The following RRM2 variants were observed in gnomAD, a reference collection of about 807,000 sequenced individuals.
The protein encoded by RRM2 is ribonucleotide reductase regulatory subunit M2.
In RRM2, 6 loss-of-function variants were observed where a neutral mutation model predicts 45.9. The observed-to-expected ratio is 0.13, with a 90% CI of 0.07 to 0.26. The LOEUF is 0.26. Among genes scored for constraint, RRM2 ranks in the 10% least tolerant of loss-of-function variants. The pLI, the probability that RRM2 is intolerant of heterozygous loss-of-function variation, is 1.00. For missense variants in RRM2, 343 were observed against 489.5 expected, an observed-to-expected ratio of 0.70 and a Z score of 2.82; for synonymous variants, 177 against 173.0, an observed-to-expected ratio of 1.02 and a Z score of -0.18.
Position 10,181,241 on chromosome 2 carries a change from G to C in RRM2, n.483-29070G>C, listed in dbSNP as rs73913996. Among the ~76,000 whole-genome samples, 1,174 of 152,350 alleles carry C rather than the reference G, an allele frequency of 7.7e-3. 19 individuals are homozygous for C. Among genetic ancestry groups the C allele is most frequent in the African/African-American group, 0.027 (1,106 of 41,574 alleles). ...ATTTTAAGATGAGGAAACAGGCTTA[G>C]AGTGGTTAATTAATTTGCCCAAAGA... On this transcript the variant is annotated intron_variant and non_coding_transcript_variant, in intron 3 of 3. Coordinates refer to the RRM2 transcript ENST00000381786.
chr2:10,170,610 G>A (rs924409970), intron 3 of RRM2, among the ~76,000 whole-genome samples: 1 of 152,168 alleles, frequency 6.6e-6, no homozygotes, highest in Non-Finnish European at 1.5e-5. Flanking sequence ...GGTCATTTGG[G>A]TCGGCAGTGG....
chr2:10,199,791 A>AC (rs1192781382), intron 3 of RRM2, among the ~76,000 whole-genome samples: 24 of 76,718 alleles, frequency 3.1e-4, no homozygotes, highest in East Asian at 2.1e-3. Flanking sequence ...AAAAAAAAAA[A>AC]AAAAAAAAAA....
intron 3 of RRM2, among the ~76,000 whole-genome samples, chr2:10,194,825 A>G (rs1664380458): frequency 6.6e-6 from 1 of 152,150 alleles, no homozygotes; most frequent in Non-Finnish European, 1.5e-5. Flanking sequence ...CTCCTTGGTC[A>G]CAGCCGCCCC....
exon 4 of RRM2, chr2:10,210,673 G>T (rs1664746236): frequency 1.6e-6 from 2 of 1,287,432 alleles, no homozygotes; most frequent in Non-Finnish European, 2.1e-6. Context: ...CGCAAAGCCT[G>T]CAGGCCAGGG....
intron 3 of RRM2, among the ~76,000 whole-genome samples, chr2:10,168,914 G>A (rs1315369959): frequency 3.9e-5 from 6 of 151,992 alleles, no homozygotes; most frequent in Admixed American, 2.0e-4. Flanking sequence ...ACACACACCC[G>A]TGTTTCATCT....
upstream of RRM2, among the ~76,000 whole-genome samples, chr2:10,138,103 T>C (rs1339266918): frequency 6.6e-6 from 1 of 151,776 alleles, no homozygotes; most frequent in Non-Finnish European, 1.5e-5. Context: ...CAGGTTCAAG[T>C]GATTTTCATG....
intron 3 of RRM2, among the ~76,000 whole-genome samples, chr2:10,184,936 CT>C (rs763360873): frequency 2.0e-5 from 3 of 152,210 alleles, no homozygotes; most frequent in Non-Finnish European, 4.4e-5. Context: ...AGATGGAAGA[CT>C]TGGGTTTCAG....
chr2:10,154,536 TTGCATGGTCAATA>T (rs1663385216), intron 3 of RRM2, among the ~76,000 whole-genome samples: 1 of 148,084 alleles, frequency 6.8e-6, no homozygotes, highest in Admixed American at 6.8e-5. Context: ...CAGTATGAGG[TTGCATGGTCAATA>T]TCCTAACAGT....
At chr2:10,187,305 G>C (rs938077488) in intron 3 of RRM2, among the ~76,000 whole-genome samples, 1 of 152,208 alleles carries the variant, frequency 6.6e-6, no homozygotes, top group Non-Finnish European at 1.5e-5. Context: ...GGTCACGCAG[G>C]GCTCGGTAGC....
chr2:10,142,060 T>C, intron 2 of RRM2: 1 of 1,598,532 alleles, frequency 6.3e-7, no homozygotes, highest in South Asian at 1.1e-5. Context: ...CCAGAGGATG[T>C]GGGGATCGAC....
At chr2:10,151,463 A>AT (rs1362113971) in intron 3 of RRM2, among the ~76,000 whole-genome samples, 5 of 150,654 alleles carry the variant, frequency 3.3e-5, no homozygotes, top group African/African-American at 9.8e-5. Flanking sequence ...AGCCCAGCTA[A>AT]TTTTTTTTGT....
At chr2:10,161,647 CACAT>C (rs555037669) in intron 3 of RRM2, among the ~76,000 whole-genome samples, 4 of 151,598 alleles carry the variant, frequency 2.6e-5, no homozygotes, top group Admixed American at 6.6e-5. Flanking sequence ...CATGCACTCA[CACAT>C]ACACTCACAC....
At chr2:10,124,600 AAT>A (rs1195103165) in intron 4 of RRM2, 115 bp from the exon 5 acceptor site, 6 of 1,118,512 alleles carry the variant, frequency 5.4e-6, no homozygotes, top group Non-Finnish European at 5.2e-6. Context: ...AATTGGATGA[AAT>A]ATATATAGAA....
intron 3 of RRM2, chr2:10,142,477 C>A: frequency 8.6e-7 from 1 of 1,160,520 alleles, no homozygotes; most frequent in Non-Finnish European, 1.2e-6. Flanking sequence ...TGTACAGGGC[C>A]CCCACGCACC....
rs1343904113 is a variant in RRM2, at chr2:10,160,760, T to G, written n.482+18385T>G. 3.9e-5 allele frequency among the ~76,000 whole-genome samples: 6 copies of G among 152,368 alleles called. No homozygotes were observed. The East Asian group carries it at 1.2e-3, about 29-fold the overall frequency. On this transcript the variant is annotated intron_variant and non_coding_transcript_variant, in intron 3 of 3. Transcript: ENST00000381786. ...GCCAAACCCCTGGACGTCAGGACAC[T>G]GCACCATGCAGCCCACTGTATTTTC...
At chr2:10,165,249 C>G (rs1405797936) in intron 3 of RRM2, among the ~76,000 whole-genome samples, 1 of 152,238 alleles carries the variant, frequency 6.6e-6, no homozygotes, top group Admixed American at 6.5e-5. Context: ...CTGTGCCCGG[C>G]CTCTTTTGGT....
chr2:10,130,628 T>C lies in RRM2; in HGVS notation c.*1242T>C, dbSNP rs999752248. ...CAAATATTAATTTCAGAATGAAACA[T>C]AATTTTTTTTTTTTTTTTTGAGATG... On this transcript the variant is annotated 3_prime_UTR_variant, in exon 10 of 10. Coordinates refer to ENST00000304567, the MANE Select transcript of RRM2 (RefSeq NM_001034.4). The C allele has an allele frequency of 7.0e-6, 1 of 143,434 alleles. No individual in the cohort carries two copies. Among genetic ancestry groups the C allele is most frequent in the African/African-American group, 2.5e-5 (1 of 39,870 alleles). The allele number at this position is 143,434 out of a possible 1,614,324, so 8.9% of individuals were successfully genotyped here.
At chr2:10,193,514 T>C (rs1190369985) in intron 3 of RRM2, among the ~76,000 whole-genome samples, 2 of 152,334 alleles carry the variant, frequency 1.3e-5, no homozygotes, top group African/African-American at 4.8e-5. Context: ...CATCACGTGT[T>C]CTTCAAGATG....
At chr2:10,179,997 CTG>C (rs1313433713) in intron 3 of RRM2, among the ~76,000 whole-genome samples, 1 of 152,226 alleles carries the variant, frequency 6.6e-6, no homozygotes, top group Non-Finnish European at 1.5e-5. Flanking sequence ...AGCCACCTCT[CTG>C]TGAGAGCGGC....
Sources: gnomAD v4.1 joint callset for allele counts (sites outside exome capture counted in the v4.1 genomes callset) on GRCh38, gnomAD v4.1.1 for gene constraint, MANE v1.5 for transcripts, NCBI Gene and HGNC (gene_info 2026-07-23, HGNC 2026-07-21) for gene names.